The following LRFN2 variants were observed in gnomAD, a reference collection of about 807,000 sequenced individuals.
The protein encoded by LRFN2 is leucine-rich repeat and fibronectin type-III domain-containing protein 2.
A neutral mutation model predicts 37.3 loss-of-function variants in LRFN2; 18 were observed. The ratio of observed to expected loss-of-function variants is 0.48; its 90% CI spans 0.33 to 0.72. LRFN2 has a LOEUF of 0.72. LRFN2 is among the 30% of genes least tolerant of loss of function. The probability of loss-of-function intolerance (pLI) is 0.02; values close to 1 mark genes in which losing one functional copy is unlikely to be tolerated. For synonymous variants in LRFN2, 556 were observed against 466.6 expected (o/e 1.19, Z -2.47); for missense variants, 1,006 against 1,060.7 (o/e 0.95, Z 0.72).
chr6:40,437,522 C>T (rs1019790491), intron 1 of LRFN2, among the ~76,000 whole-genome samples: 5 of 152,106 alleles, frequency 3.3e-5, no homozygotes, highest in Non-Finnish European at 5.9e-5. Context: ...GATTAACAAA[C>T]GTCTAATGAA....
chr6:40,492,827 C>G (rs1274207072), intron 1 of LRFN2, among the ~76,000 whole-genome samples: 3 of 152,094 alleles, frequency 2.0e-5, no homozygotes, highest in Non-Finnish European at 4.4e-5. Context: ...AGGAGGGGGT[C>G]ACAGGAACAC....
chr6:40,439,181 T>C (rs537352840), intron 1 of LRFN2, among the ~76,000 whole-genome samples: 13 of 152,284 alleles, frequency 8.5e-5, no homozygotes, highest in African/African-American at 2.6e-4. Context: ...CTGATTTCCA[T>C]TTAAAAGATA....
chr6:40,442,500 G>A (rs1216485393), intron 1 of LRFN2, among the ~76,000 whole-genome samples: 1 of 152,096 alleles, frequency 6.6e-6, no homozygotes, highest in Non-Finnish European at 1.5e-5. Flanking sequence ...CCTGAGGACA[G>A]GGCTGAGTCT....
intron 2 of LRFN2, among the ~76,000 whole-genome samples, chr6:40,393,322 AAGGATGTGTCAGAGACCG>A (rs1181115775): frequency 4.0e-5 from 6 of 151,588 alleles, no homozygotes; most frequent in South Asian, 2.1e-4. Flanking sequence ...GTCAGAGACC[AAGGATGTGTCAGAGACCG>A]AGGATGTGTC....
intron 1 of LRFN2, among the ~76,000 whole-genome samples, chr6:40,503,432 G>A (rs957044404): frequency 6.6e-5 from 10 of 152,194 alleles, no homozygotes; most frequent in African/African-American, 9.6e-5. Flanking sequence ...TGGTGCAGCC[G>A]ATGGAGGGCG....
intron 1 of LRFN2, among the ~76,000 whole-genome samples, chr6:40,488,684 T>C (rs1765023181): frequency 6.6e-6 from 1 of 152,146 alleles, no homozygotes; most frequent in Non-Finnish European, 1.5e-5. Context: ...AAGCCCTCCA[T>C]GATCCCTACA....
rs899201625 is a variant in LRFN2 at position 40,498,981 on chromosome 6, C to T, written c.-18-65850G>A. Reference sequence around the variant, plus strand: ...CCTCAGACACACCCAGAAAGGCACACTCCCAAACACAGGCTCAACAAATAC... The same window carrying T: ...CCTCAGACACACCCAGAAAGGCACATTCCCAAACACAGGCTCAACAAATAC... On this transcript the variant is annotated intron_variant, in intron 1 of 2. Transcript: ENST00000338305. 4.6e-5 allele frequency among the ~76,000 whole-genome samples: 7 copies of T among 152,340 alleles called. No individual in the cohort carries two copies. In the South Asian group the frequency reaches 1.4e-3, roughly 32 times the overall value.
chr6:40,579,680 T>G (rs1291220966), intron 1 of LRFN2, among the ~76,000 whole-genome samples: 1 of 151,754 alleles, frequency 6.6e-6, no homozygotes, highest in Non-Finnish European at 1.5e-5. Context: ...AGCCAGAACT[T>G]GGAACCGCCA....
At chr6:40,539,082 C>T (rs1766504610) in intron 1 of LRFN2, among the ~76,000 whole-genome samples, 1 of 152,046 alleles carries the variant, frequency 6.6e-6, no homozygotes, top group Admixed American at 6.6e-5. Context: ...ATCTTCTACC[C>T]TCTCAGCCCC....
In LRFN2 at chr6:40,568,674, G is replaced by A. The variant is rs201189200; in HGVS notation, c.-19+18267C>T. On this transcript the variant is annotated intron_variant, in intron 1 of 2. Transcript: ENST00000338305. Reference sequence around the variant, plus strand: ...TCCCAGTGTCACTGGGTTACTAAACGTCTCCCCCATTTCCTTCCTTCCTTC... The same window carrying A: ...TCCCAGTGTCACTGGGTTACTAAACATCTCCCCCATTTCCTTCCTTCCTTC... Among the ~76,000 whole-genome samples the A allele has an allele frequency of 5.7e-5, 8 of 139,654 alleles. No homozygotes were observed. In the East Asian group the frequency reaches 6.8e-4, roughly 12 times the overall value. The allele number at this position is 139,654 out of a possible 152,430, so 91.6% of individuals were successfully genotyped here.
rs763151283 is a variant in LRFN2, at chr6:40,420,550, T to C, written c.1400+11164A>G. ...GACTGTGTGGGCAGGTGCCAAGAAA[T>C]GCTCACAGCAGCGATGCTTTCGCCC... On this transcript the variant is annotated intron_variant, in intron 2 of 2. Coordinates refer to ENST00000338305, the MANE Select transcript of LRFN2 (RefSeq NM_020737.3). 9.2e-5 allele frequency among the ~76,000 whole-genome samples: 14 copies of C among 152,352 alleles called. No individual in the cohort carries two copies. In the South Asian group the frequency reaches 1.4e-3, roughly 16 times the overall value.
intron 1 of LRFN2, among the ~76,000 whole-genome samples, chr6:40,438,851 A>C (rs1763757922): frequency 1.3e-5 from 2 of 152,214 alleles, no homozygotes; most frequent in South Asian, 4.1e-4. Flanking sequence ...TCAGAAATAC[A>C]TACTGGCAAT....
At chr6:40,570,228 A>C (rs1237998794) in intron 1 of LRFN2, among the ~76,000 whole-genome samples, 3 of 152,204 alleles carry the variant, frequency 2.0e-5, no homozygotes, top group Non-Finnish European at 4.4e-5. Flanking sequence ...CAATCATCAA[A>C]TATTTATTGA....
chr6:40,417,760 C>T (rs114941060), intron 2 of LRFN2, among the ~76,000 whole-genome samples: 2,888 of 152,228 alleles, frequency 0.019, 90 homozygotes, highest in African/African-American at 0.065. Flanking sequence ...GCTTTGTTCC[C>T]TACCTAAGTA....
chr6:40,458,656 G>C (rs1764283584), intron 1 of LRFN2, among the ~76,000 whole-genome samples: 1 of 152,224 alleles, frequency 6.6e-6, no homozygotes, highest in South Asian at 2.1e-4. Flanking sequence ...GACTCTCCTA[G>C]AATGGCAATG....
chr6:40,578,336 A>G (rs1374748008), intron 1 of LRFN2, among the ~76,000 whole-genome samples: 4 of 152,178 alleles, frequency 2.6e-5, no homozygotes, highest in Non-Finnish European at 4.4e-5. Flanking sequence ...CTTATCAGCT[A>G]TCATCATCCA....
At chr6:40,457,498 G>A (rs1242044438) in intron 1 of LRFN2, among the ~76,000 whole-genome samples, 3 of 151,946 alleles carry the variant, frequency 2.0e-5, no homozygotes, top group Admixed American at 6.6e-5. Flanking sequence ...TCAGGCCAGA[G>A]TCAGTGGCTC....
rs572377726 is a variant in LRFN2, at chr6:40,474,516, G to T, written c.-18-41385C>A. Among the ~76,000 whole-genome samples, 5 of 152,182 alleles carry T rather than the reference G, an allele frequency of 3.3e-5. No individual in the cohort carries two copies. The South Asian group carries it at 1.0e-3, about 32-fold the overall frequency. On this transcript the variant is annotated intron_variant, in intron 1 of 2. Transcript: ENST00000338305. ...TTTTGTTTTGTTTTTTTGAGATGCA[G>T]TCTCACTCTGTCACCCAGGCTGGAG...
At chr6:40,444,419 C>T (rs1307612769) in intron 1 of LRFN2, among the ~76,000 whole-genome samples, 2 of 152,184 alleles carry the variant, frequency 1.3e-5, no homozygotes, top group Admixed American at 6.5e-5. Context: ...AAAGAGCTGA[C>T]AGGCTGATCA....
Sources: allele counts gnomAD v4.1 joint callset (sites outside exome capture counted in the v4.1 genomes callset), GRCh38; gene constraint gnomAD v4.1.1; transcripts MANE v1.5; gene names NCBI Gene and HGNC (gene_info 2026-07-23, HGNC 2026-07-21).